The following ADGRV1 variants were observed in gnomAD, a reference collection of about 807,000 sequenced individuals.
ADGRV1 encodes adhesion G protein-coupled receptor V1.
A neutral mutation model predicts 596.2 loss-of-function variants in ADGRV1; 359 were observed. That is an observed-to-expected ratio of 0.60 (90% CI 0.55 to 0.66). ADGRV1 has a LOEUF of 0.66. Ranked by LOEUF, ADGRV1 falls within the 30% of genes least tolerant of loss-of-function variation. The probability of loss-of-function intolerance (pLI) is 0.00; values close to 1 mark genes in which losing one functional copy is unlikely to be tolerated. For synonymous variants in ADGRV1, 2,681 were observed against 2,679.2 expected (o/e 1.00, Z -0.02); for missense variants, 7,274 against 7,575.6 (o/e 0.96, Z 1.48).
At chr5:90,808,770 C>T (rs1762143393) in intron 73 of ADGRV1, among the ~76,000 whole-genome samples, 1 of 152,052 alleles carries the variant, frequency 6.6e-6, no homozygotes, top group African/African-American at 2.4e-5. Context: ...ATGGTGCGTG[C>T]CTGTAGTCCC....
At chr5:90,569,383 A>AT (rs1325087943) in intron 1 of ADGRV1, among the ~76,000 whole-genome samples, 12 of 17,426 alleles carry the variant, frequency 6.9e-4, no homozygotes, top group South Asian at 3.7e-3. Flanking sequence ...ATATATATAT[A>AT]TATATTTTTT....
chr5:90,796,292 T>G (rs1388045784), intron 70 of ADGRV1, among the ~76,000 whole-genome samples: 1 of 152,068 alleles, frequency 6.6e-6, no homozygotes, highest in Non-Finnish European at 1.5e-5. Context: ...AATGACCTGA[T>G]GGAGCTGAAA....
chr5:90,787,879 CCA>C (rs1759641781), intron 67 of ADGRV1, among the ~76,000 whole-genome samples, 190 bp from the exon 68 acceptor site: 1 of 151,896 alleles, frequency 6.6e-6, no homozygotes, highest in Admixed American at 6.6e-5. Flanking sequence ...GCGTGAGCCA[CCA>C]CACCCAGCTG....
intron 83 of ADGRV1, among the ~76,000 whole-genome samples, chr5:90,878,965 G>A (rs757123290): frequency 3.9e-5 from 6 of 152,220 alleles, no homozygotes; most frequent in Non-Finnish European, 5.9e-5. Context: ...CCAGCTACAT[G>A]TGAGTCATTC....
intron 83 of ADGRV1, among the ~76,000 whole-genome samples, chr5:90,885,807 GT>G (rs1374603910): frequency 2.0e-5 from 3 of 151,782 alleles, no homozygotes; most frequent in East Asian, 3.9e-4. Flanking sequence ...TTAGCCTATT[GT>G]TTTAAGGAGT....
Position 90,615,804 on chromosome 5 carries a change from C to T in ADGRV1, c.207+785C>T, listed in dbSNP as rs966738179. On this transcript the variant is annotated intron_variant, in intron 2 of 89. Transcript: ENST00000405460. ...TAGAGTACACATTATATGAGATAAT[C>T]TTTTTCATAAAATTTTGATTGAATC... 7.2e-5 allele frequency among the ~76,000 whole-genome samples: 11 copies of T among 151,908 alleles called. No individual in the cohort carries two copies. The South Asian group carries it at 2.1e-3, about 29-fold the overall frequency.
chr5:90,743,471 C>CTTTT (rs10942607), intron 50 of ADGRV1, among the ~76,000 whole-genome samples: 3 of 120,936 alleles, frequency 2.5e-5, no homozygotes, highest in African/African-American at 9.3e-5. Flanking sequence ...CATTTGATAT[C>CTTTT]TTTTTTTTTT....
intron 85 of ADGRV1, among the ~76,000 whole-genome samples, chr5:91,069,717 T>C (rs937320703): frequency 2.0e-5 from 3 of 152,172 alleles, no homozygotes; most frequent in African/African-American, 7.2e-5. Flanking sequence ...CTCAGCGAAC[T>C]TAGAACACAG....
intron 83 of ADGRV1, among the ~76,000 whole-genome samples, chr5:90,934,910 G>A (rs1219759662): frequency 2.6e-5 from 4 of 152,096 alleles, no homozygotes; most frequent in African/African-American, 7.2e-5. Flanking sequence ...TCTCTGGTGT[G>A]TCTTACAAGG....
intron 81 of ADGRV1, among the ~76,000 whole-genome samples, chr5:90,854,730 C>A (rs1217201417): frequency 2.6e-5 from 4 of 152,170 alleles, no homozygotes; most frequent in Non-Finnish European, 5.9e-5. Flanking sequence ...GTTACAGTCA[C>A]TAGGAGCTCA....
intron 57 of ADGRV1, among the ~76,000 whole-genome samples, chr5:90,758,774 G>A (rs1369996750): frequency 6.6e-6 from 1 of 152,114 alleles, no homozygotes; most frequent in Non-Finnish European, 1.5e-5. Flanking sequence ...GCTGGATCAA[G>A]TTTTATTTAT....
intron 1 of ADGRV1, among the ~76,000 whole-genome samples, chr5:90,609,950 G>A (rs1443113145): frequency 2.0e-5 from 3 of 151,868 alleles, no homozygotes; most frequent in Admixed American, 6.6e-5. Context: ...AATCGAAGTC[G>A]ATTAATGCAA....
At chr5:91,013,225 T>C (rs906779767) in intron 85 of ADGRV1, among the ~76,000 whole-genome samples, 2 of 152,054 alleles carry the variant, frequency 1.3e-5, no homozygotes, top group Admixed American at 6.6e-5. Context: ...TGATTTCTAT[T>C]CCTATGGATA....
chr5:90,672,944 T>C (rs1012937369), intron 22 of ADGRV1: 11 of 451,570 alleles, frequency 2.4e-5, no homozygotes, highest in Admixed American at 7.9e-5. Context: ...AACTTTATCA[T>C]GACATTTTTG....
intron 29 of ADGRV1, among the ~76,000 whole-genome samples, chr5:90,687,314 A>T (rs1487225621): frequency 1.3e-5 from 2 of 152,162 alleles, no homozygotes; most frequent in Non-Finnish European, 2.9e-5. Flanking sequence ...GGTAATGCCT[A>T]GGCTTTCTTC....
rs754616936 is a variant in ADGRV1, at chr5:90,829,105, C to T, written c.16530C>T (p.His5510=). ...TGGGTTCTCGGCTGGCAGTGGCTCA[C>T]AAGAAGGCCACTTTAATCAGTCTGC... ...FSVGSRLAVA[H]KKATLISLQV... The change falls in exon 77 of 90, where the codon CAC becomes CAT. Residue 5510 remains histidine, a synonymous_variant. Coordinates refer to ENST00000405460, the MANE Select transcript of ADGRV1 (RefSeq NM_032119.4). The T allele has an allele frequency of 4.3e-6, 7 of 1,612,110 alleles. No individual in the cohort carries two copies. The highest frequency in any genetic ancestry group is 4.2e-6 in the Non-Finnish European group (5 of 1,178,726).
intron 50 of ADGRV1, among the ~76,000 whole-genome samples, chr5:90,743,808 G>T (rs1380756607): frequency 6.6e-6 from 1 of 151,756 alleles, no homozygotes; most frequent in Non-Finnish European, 1.5e-5. Flanking sequence ...GTTTATCTAG[G>T]TACTGGAATT....
intron 85 of ADGRV1, among the ~76,000 whole-genome samples, chr5:91,053,326 C>T (rs930402844): frequency 5.9e-5 from 9 of 152,144 alleles, no homozygotes; most frequent in Admixed American, 1.3e-4. Context: ...GTCCTTGTAT[C>T]TTTGGACCCT....
At chr5:90,778,181 C>A in intron 62 of ADGRV1, 138 bp downstream of exon 62, 2 of 1,032,174 alleles carry the variant, frequency 1.9e-6, no homozygotes, top group Non-Finnish European at 2.8e-6. Flanking sequence ...GTAAATATTA[C>A]AGCATTTGTG....
Sources: allele counts gnomAD v4.1 joint callset (sites outside exome capture counted in the v4.1 genomes callset), GRCh38; gene constraint gnomAD v4.1.1; transcripts MANE v1.5; gene names NCBI Gene and HGNC (gene_info 2026-07-23, HGNC 2026-07-21).